The following ESR2 variants were observed in gnomAD, a reference collection of about 807,000 sequenced individuals.
The protein encoded by ESR2 is estrogen receptor beta.
ESR2 carries 36 observed loss-of-function variants against 49.6 expected under a neutral mutation model. The ratio of observed to expected loss-of-function variants is 0.73; its 90% CI spans 0.56 to 0.96. ESR2 has a LOEUF of 0.96. Ranked by LOEUF, ESR2 falls within the 40% of genes least tolerant of loss-of-function variation. ESR2 has a pLI of 0.00. For missense variants in ESR2, 714 were observed against 693.0 expected, an observed-to-expected ratio of 1.03 and a Z score of -0.34; for synonymous variants, 320 against 266.1, an observed-to-expected ratio of 1.20 and a Z score of -1.97.
At chr14:64,302,204 T>TTTATTTATTTA (rs1567790369) in intron 1 of ESR2, among the ~76,000 whole-genome samples, 2 of 85,918 alleles carry the variant, frequency 2.3e-5, no homozygotes, top group African/African-American at 4.6e-5. Context: ...TTATTTATTT[T>TTTATTTATTTA]TTGAGACAGT....
At position 64,282,860 on chromosome 14, in the gene ESR2, T is replaced by G. The variant is rs1366241445; in HGVS notation, c.126A>C (p.Glu42Asp). 6 of 1,614,208 alleles carry G rather than the reference T, an allele frequency of 3.7e-6. No homozygotes were observed. In the South Asian group the frequency reaches 6.6e-5, roughly 18 times the overall value. Residue 42 changes from glutamate (E) to aspartate (D), a missense_variant, in exon 2 of 9, where the codon GAA becomes GAC. By Grantham distance (45) the Glu-to-Asp change is conservative. Coordinates refer to ENST00000341099, the MANE Select transcript of ESR2 (RefSeq NM_001437.3). ...GGCTATAGAATGTCATGGCTGGATA[T>G]TCATGGTGGCTGTCTACATAGGAGG... ...IPSSYVDSHH[E>D]YPAMTFYSPA...
At chr14:64,304,871 C>T (rs1271382022) in intron 1 of ESR2, among the ~76,000 whole-genome samples, 2 of 150,622 alleles carry the variant, frequency 1.3e-5, no homozygotes, top group Non-Finnish European at 3.0e-5. Flanking sequence ...GCGAGACATT[C>T]TGTCAAACAA....
At chr14:64,310,694 A>G (rs1460385860) in intron 1 of ESR2, among the ~76,000 whole-genome samples, 1 of 151,818 alleles carries the variant, frequency 6.6e-6, no homozygotes, top group Admixed American at 6.6e-5. Flanking sequence ...CTGGTCTGGA[A>G]CTCCTGACCT....
intron 1 of ESR2, among the ~76,000 whole-genome samples, chr14:64,307,280 C>T (rs1366245707): frequency 1.3e-5 from 2 of 151,748 alleles, no homozygotes; most frequent in African/African-American, 4.8e-5. Context: ...GGCACGATCT[C>T]GGCTCACTGC....
intron 1 of ESR2, among the ~76,000 whole-genome samples, chr14:64,324,604 G>A (rs2077367057): frequency 6.6e-6 from 1 of 152,048 alleles, no homozygotes. Context: ...TTTTCTTCAA[G>A]TTGGAATGAT....
At chr14:64,253,479 C>A (rs1311672456) in intron 6 of ESR2, among the ~76,000 whole-genome samples, 1 of 152,056 alleles carries the variant, frequency 6.6e-6, no homozygotes, top group Non-Finnish European at 1.5e-5. Context: ...GCGTGAGCCA[C>A]CGTGCCTGGC....
At chr14:64,302,137 T>C (rs1283619537) in intron 1 of ESR2, among the ~76,000 whole-genome samples, 1 of 150,732 alleles carries the variant, frequency 6.6e-6, no homozygotes, top group Non-Finnish European at 1.5e-5. Flanking sequence ...AAGAGTCACC[T>C]GGGTCACTTT....
chr14:64,242,411 A>C (rs1365745806), intron 7 of ESR2, among the ~76,000 whole-genome samples: 1 of 126,452 alleles, frequency 7.9e-6, no homozygotes, highest in East Asian at 2.0e-4. Context: ...GTCTCAAAAA[A>C]AAAAAACAAA....
intron 4 of ESR2, among the ~76,000 whole-genome samples, chr14:64,261,381 G>C (rs1010944239): frequency 6.6e-6 from 1 of 151,324 alleles, no homozygotes; most frequent in Admixed American, 6.6e-5. Context: ...AGGACTATGG[G>C]TGCCTGCCAC....
chr14:64,300,957 C>T (rs1320653906), intron 1 of ESR2, among the ~76,000 whole-genome samples: 3 of 151,848 alleles, frequency 2.0e-5, no homozygotes, highest in Non-Finnish European at 4.4e-5. Flanking sequence ...CTATAACTAC[C>T]ATTCATTCAG....
chr14:64,333,326 G>C (rs1399502262), intron 1 of ESR2, among the ~76,000 whole-genome samples: 2 of 152,028 alleles, frequency 1.3e-5, no homozygotes, highest in African/African-American at 4.8e-5. Flanking sequence ...TTAAGACTCT[G>C]AATACTTGTT....
intron 6 of ESR2, among the ~76,000 whole-genome samples, chr14:64,250,201 G>A (rs1031813321): frequency 1.3e-5 from 2 of 152,146 alleles, no homozygotes; most frequent in African/African-American, 4.8e-5. Flanking sequence ...AACTTGTGTA[G>A]CAACTAAGAC....
chr14:64,271,812 C>T (rs1391543536), intron 3 of ESR2, among the ~76,000 whole-genome samples: 2 of 152,172 alleles, frequency 1.3e-5, no homozygotes, highest in African/African-American at 4.8e-5. Context: ...TGTGGATGGA[C>T]ACTTAGGTTG....
intron 7 of ESR2, among the ~76,000 whole-genome samples, chr14:64,242,422 AAAAAC>A (rs1437297782): frequency 3.2e-4 from 40 of 125,230 alleles, no homozygotes; most frequent in African/African-American, 1.5e-3. Flanking sequence ...AAAAAACAAA[AAAAAC>A]AAAACAAACA....
chr14:64,274,339 A>G (rs2076513059), intron 3 of ESR2, among the ~76,000 whole-genome samples: 1 of 152,114 alleles, frequency 6.6e-6, no homozygotes, highest in Non-Finnish European at 1.5e-5. Context: ...TCTTAACAGT[A>G]TGTATGTGGT....
intron 1 of ESR2, 88 bp from the exon 2 acceptor site, chr14:64,283,163 C>A (rs758719302): frequency 1.9e-6 from 1 of 533,152 alleles, no homozygotes; most frequent in Non-Finnish European, 3.2e-6. Flanking sequence ...AAAATACATA[C>A]GTTTGTATGA....
chr14:64,271,438 G>A (rs575706934), intron 3 of ESR2, among the ~76,000 whole-genome samples: 1 of 152,268 alleles, frequency 6.6e-6, no homozygotes, highest in South Asian at 2.1e-4. Context: ...CAATTCTCCT[G>A]CCTCAGCCTC....
intron 1 of ESR2, chr14:64,336,841 CTCAAA>C (rs2077537409): frequency 6.6e-6 from 1 of 152,184 alleles, no homozygotes; most frequent in African/African-American, 2.4e-5. Context: ...TTTGCGCTTG[CTCAAA>C]TCAAACCCTT....
chr14:64,275,500 C>T (rs12101211), intron 3 of ESR2, among the ~76,000 whole-genome samples: 65,840 of 151,712 alleles, frequency 0.43, 14,764 homozygotes, highest in African/African-American at 0.52. Flanking sequence ...GTCAGGAGTT[C>T]GAGACCAGCC....
Sources: allele counts gnomAD v4.1 joint callset (sites outside exome capture counted in the v4.1 genomes callset), GRCh38; gene constraint gnomAD v4.1.1; transcripts MANE v1.5; gene names NCBI Gene and HGNC (gene_info 2026-07-23, HGNC 2026-07-21).